CYP39A1: variants seen among roughly 807,000 people sequenced by gnomAD.
CYP39A1 encodes the protein 24-hydroxycholesterol 7-alpha-hydroxylase.
CYP39A1 carries 49 observed loss-of-function variants against 58.1 expected under a neutral mutation model. The observed-to-expected ratio is 0.84, with a 90% CI of 0.67 to 1.07. The LOEUF (loss-of-function observed/expected upper bound fraction) is 1.07, where lower values mean the gene tolerates loss of function less well. Ranked by LOEUF, CYP39A1 falls within the 50% of genes least tolerant of loss-of-function variation. The pLI is 0.00. For synonymous variants in CYP39A1, 209 were observed against 187.6 expected, an observed-to-expected ratio of 1.11 and a Z score of -0.93; for missense variants, 531 against 539.4, an observed-to-expected ratio of 0.98 and a Z score of 0.16.
chr6:46,628,197 C>A (rs541655874), intron 6 of CYP39A1, among the ~76,000 whole-genome samples: 1 of 152,126 alleles, frequency 6.6e-6, no homozygotes, highest in African/African-American at 2.4e-5. Context: ...AGTCTTCTAC[C>A]GATCATGGTA....
intron 10 of CYP39A1, among the ~76,000 whole-genome samples, chr6:46,564,784 G>A (rs770554906): frequency 2.0e-5 from 3 of 152,128 alleles, no homozygotes; most frequent in Admixed American, 6.6e-5. Context: ...CTGTTGCCAG[G>A]AGCAAGAGGT....
At chr6:46,608,564 G>A (rs1450969076) in intron 7 of CYP39A1, among the ~76,000 whole-genome samples, 1 of 151,726 alleles carries the variant, frequency 6.6e-6, no homozygotes, top group African/African-American at 2.4e-5. Flanking sequence ...TCTTACGGAG[G>A]TGATAATATC....
At chr6:46,628,512 G>C (rs1775452872) in intron 6 of CYP39A1, among the ~76,000 whole-genome samples, 1 of 152,158 alleles carries the variant, frequency 6.6e-6, no homozygotes, top group African/African-American at 2.4e-5. Context: ...ACTTAGAAAT[G>C]GTTTTCCCAT....
chr6:46,650,418 C>T (rs1337968776), intron 1 of CYP39A1, among the ~76,000 whole-genome samples: 1 of 115,342 alleles, frequency 8.7e-6, no homozygotes, highest in Non-Finnish European at 1.7e-5. Context: ...ATTAAGGGTA[C>T]AAGAAAAGAC....
intron 5 of CYP39A1, among the ~76,000 whole-genome samples, chr6:46,635,783 G>A (rs143513562): frequency 8.9e-4 from 135 of 152,094 alleles, no homozygotes; most frequent in African/African-American, 3.1e-3. Flanking sequence ...GGTTGGTCTC[G>A]AACTCCTGGG....
At chr6:46,550,917 C>T (rs1337477312) in intron 11 of CYP39A1, among the ~76,000 whole-genome samples, 1 of 152,170 alleles carries the variant, frequency 6.6e-6, no homozygotes, top group African/African-American at 2.4e-5. Context: ...AGGAGTCTCA[C>T]TCCATCGCCC....
intron 11 of CYP39A1, among the ~76,000 whole-genome samples, chr6:46,553,073 C>CAG (rs1770492393): frequency 1.2e-5 from 1 of 81,410 alleles, no homozygotes; most frequent in African/African-American, 4.6e-5. Context: ...ACCCCCCAAC[C>CAG]AAAAAAAAAA....
In CYP39A1 at chr6:46,610,571, C is replaced by T. The variant is rs559041681; in HGVS notation, c.932-14451G>A. 2.0e-5 allele frequency among the ~76,000 whole-genome samples: 3 copies of T among 152,246 alleles called. No homozygotes were observed. The South Asian group carries it at 6.2e-4, about 32-fold the overall frequency. On this transcript the variant is annotated intron_variant, in intron 7 of 11. Coordinates refer to ENST00000275016, the MANE Select transcript of CYP39A1 (RefSeq NM_016593.5). ...TGTTGCCCAGGCTGGTCTCAAACTC[C>T]TGGTCTCAAGCCATCCTCCCATCTC...
rs796950998 is a variant in CYP39A1 at position 46,590,406 on chromosome 6, GCT to G, written c.1066-2279_1066-2278del. Among the ~76,000 whole-genome samples, 33 of 152,230 alleles carry G rather than the reference GCT, an allele frequency of 2.2e-4. 1 individual carries two copies. The highest frequency in any genetic ancestry group is 7.9e-4 in the African/African-American group (33 of 41,558). ...TTGTAATTCAAGAAAGGTGCTCAGAGCTAAGTGGGTGCCAGGAATACATAATC... is the reference window on the plus strand; with the variant it reads ...TTGTAATTCAAGAAAGGTGCTCAGAGAAGTGGGTGCCAGGAATACATAATC... On this transcript the variant is annotated intron_variant, in intron 8 of 11. Transcript: ENST00000275016.
intron 10 of CYP39A1, among the ~76,000 whole-genome samples, chr6:46,561,071 A>T (rs1258270615): frequency 6.6e-6 from 1 of 152,154 alleles, no homozygotes; most frequent in African/African-American, 2.4e-5. Flanking sequence ...AAATTAAATG[A>T]GCTCACTTTT....
At chr6:46,651,718 T>A (rs1189604862) in intron 1 of CYP39A1, among the ~76,000 whole-genome samples, 1 of 152,176 alleles carries the variant, frequency 6.6e-6, no homozygotes, top group Non-Finnish European at 1.5e-5. Context: ...ACAGAAAGTA[T>A]TATAATTCAT....
Position 46,637,997 on chromosome 6 carries a change from A to G in CYP39A1, c.489-19T>C. 1 of 1,581,460 alleles carries G rather than the reference A, an allele frequency of 6.3e-7. No individual in the cohort carries two copies. Among genetic ancestry groups the G allele is most frequent in the Non-Finnish European group, 8.5e-7 (1 of 1,170,916 alleles). ...GAGATGTCTACAAAGACAGAAACAC[A>G]CAAAAAGTCAGACCCGAAGACCAAA... On this transcript the variant is annotated intron_variant, in intron 3 of 11. Transcript: ENST00000275016.
In CYP39A1 at chr6:46,587,069, T is replaced by A. The variant is rs767666069; in HGVS notation, c.1250+8A>T. On this transcript the variant is annotated splice_region_variant and intron_variant, in intron 10 of 11. Coordinates refer to ENST00000275016, the MANE Select transcript of CYP39A1 (RefSeq NM_016593.5). ...TCTGGATAAATGTGGCCCAGCTGTCTCACTGACCTTGCAGGACACTGGAAC... is the reference window on the plus strand; with the variant it reads ...TCTGGATAAATGTGGCCCAGCTGTCACACTGACCTTGCAGGACACTGGAAC... 1 of 1,604,794 alleles carries A rather than the reference T, an allele frequency of 6.2e-7. No homozygotes were observed. Among genetic ancestry groups the A allele is most frequent in the South Asian group, 1.1e-5 (1 of 90,020 alleles).
intron 10 of CYP39A1, among the ~76,000 whole-genome samples, chr6:46,578,931 A>G (rs1303912482): frequency 6.6e-6 from 1 of 151,964 alleles, no homozygotes; most frequent in Non-Finnish European, 1.5e-5. Context: ...CAAAAAAGTC[A>G]AGGAGGAAGG....
chr6:46,641,639 T>G (rs1360001711), intron 2 of CYP39A1, among the ~76,000 whole-genome samples: 1 of 152,136 alleles, frequency 6.6e-6, no homozygotes, highest in East Asian at 1.9e-4. Flanking sequence ...ACTGGAAGCA[T>G]GCTGACTGTA....
chr6:46,585,340 T>TAGAC (rs1049890031), intron 10 of CYP39A1, among the ~76,000 whole-genome samples: 6 of 151,844 alleles, frequency 4.0e-5, no homozygotes, highest in African/African-American at 7.3e-5. Flanking sequence ...GATAGATAGA[T>TAGAC]AGATAGATAG....
At chr6:46,626,355 A>C (rs1473838905) in intron 6 of CYP39A1, among the ~76,000 whole-genome samples, 1 of 152,166 alleles carries the variant, frequency 6.6e-6, no homozygotes, top group African/African-American at 2.4e-5. Context: ...TTCTAAATAC[A>C]TTTATTATGA....
chr6:46,560,161 G>C (rs1243115712), intron 10 of CYP39A1, among the ~76,000 whole-genome samples: 1 of 152,166 alleles, frequency 6.6e-6, no homozygotes, highest in Non-Finnish European at 1.5e-5. Flanking sequence ...AATGAGAAAT[G>C]ATGAGAAGGC....
At position 46,652,553 on chromosome 6, in the gene CYP39A1, T is replaced by A. The variant is rs147181001; in HGVS notation, c.30A>T (p.Ile10=). 2.5e-4 allele frequency: 405 copies of A among 1,609,424 alleles called. No homozygotes were observed. Among genetic ancestry groups the A allele is most frequent in the Non-Finnish European group, 3.0e-4 (359 of 1,178,324 alleles). Residue 10 remains isoleucine, a synonymous_variant, in exon 1 of 12, where the codon ATA becomes ATT. Coordinates refer to ENST00000275016, the MANE Select transcript of CYP39A1 (RefSeq NM_016593.5). ...AGAACAGAGCAAGGCAACCCAGGAT[T>A]ATAATCACTGTTGGGGAAATTAGTT... The part of the protein sequence containing the change: MELISPTVI[I]ILGCLALFLL...
Sources: allele counts gnomAD v4.1 joint callset (sites outside exome capture counted in the v4.1 genomes callset), GRCh38; gene constraint gnomAD v4.1.1; transcripts MANE v1.5; gene names NCBI Gene and HGNC (gene_info 2026-07-23, HGNC 2026-07-21).